The following GFOD2 variants were observed in gnomAD, a reference collection of about 807,000 sequenced individuals.
GFOD2 encodes glucose-fructose oxidoreductase domain-containing protein 2.
Under a neutral mutation model 24.6 loss-of-function variants are expected in GFOD2, and 9 were observed. The ratio of observed to expected loss-of-function variants is 0.37; its 90% confidence interval spans 0.22 to 0.64. The LOEUF (loss-of-function observed/expected upper bound fraction) is 0.64. Among genes scored for constraint, GFOD2 ranks in the 30% least tolerant of loss-of-function variants. The probability of loss-of-function intolerance (pLI) is 0.65; values close to 1 mark genes in which losing one functional copy is unlikely to be tolerated. For synonymous variants in GFOD2, 211 were observed against 224.8 expected, an observed-to-expected ratio of 0.94 and a Z score of 0.55; for missense variants, 476 against 532.5, an observed-to-expected ratio of 0.89 and a Z score of 1.04.
chr16:67,678,269 G>A (rs1224520105), intron 2 of GFOD2, among the ~76,000 whole-genome samples: 1 of 152,198 alleles, frequency 6.6e-6, no homozygotes, highest in Non-Finnish European at 1.5e-5. Context: ...CTGAGGTTGG[G>A]AGTTTGAGAC....
At chr16:67,686,234 T>G (rs1191665193) in intron 1 of GFOD2, among the ~76,000 whole-genome samples, 1 of 152,106 alleles carries the variant, frequency 6.6e-6, no homozygotes. Flanking sequence ...TAGTAAGCTA[T>G]GATTGTGCTA....
In GFOD2 at chr16:67,675,845, G is replaced by A; in HGVS notation, c.468C>T (p.Ser156=). The A allele has an allele frequency of 1.2e-6, 2 of 1,614,202 alleles. No homozygotes were observed. The highest frequency in any genetic ancestry group is 1.7e-6 in the Non-Finnish European group (2 of 1,180,052). ...MICDARIYSG[S]LLSPSYGWIC... is the part of the protein sequence containing the mutation. The stretch of plus-strand genomic sequence containing the variant: ...TCCAGCCATAGCTGGGGCTCAGCAG[G>A]CTGCCTGAGTAGATGCGGGCATCAC... Residue 156 remains serine, a synonymous_variant, in exon 3 of 3, where the codon AGC becomes AGT. Coordinates refer to ENST00000268797, the MANE Select transcript of GFOD2 (RefSeq NM_030819.4).
At chr16:67,705,116 A>C (rs2053430075) in intron 1 of GFOD2, among the ~76,000 whole-genome samples, 2 of 152,194 alleles carry the variant, frequency 1.3e-5, no homozygotes, top group African/African-American at 2.4e-5. Flanking sequence ...GAAATATAGG[A>C]GTTGAATAGT....
At chr16:67,706,044 G>A (rs1196886915) in intron 1 of GFOD2, among the ~76,000 whole-genome samples, 1 of 133,534 alleles carries the variant, frequency 7.5e-6, no homozygotes, top group Admixed American at 7.8e-5. Context: ...GTGCAGTAGT[G>A]CAATCTCAGC....
chr16:67,716,774 T>C (rs2053509702), intron 1 of GFOD2, among the ~76,000 whole-genome samples: 1 of 152,198 alleles, frequency 6.6e-6, no homozygotes, highest in Non-Finnish European at 1.5e-5. Flanking sequence ...AATGCCCCAT[T>C]ATAACTCCTG....
At chr16:67,685,855 GCTA>G in intron 1 of GFOD2, 53 bp from the exon 2 acceptor site, 1 of 1,084,404 alleles carries the variant, frequency 9.2e-7, no homozygotes, top group African/African-American at 1.6e-5. Flanking sequence ...CTCAGCTGAG[GCTA>G]CTTTCTTTTT....
chr16:67,703,600 AG>A (rs2053419200), intron 1 of GFOD2, among the ~76,000 whole-genome samples: 1 of 152,180 alleles, frequency 6.6e-6, no homozygotes, highest in African/African-American at 2.4e-5. Context: ...AATTACCACC[AG>A]GAGGTGACTT....
rs780990630 is a variant in GFOD2, at chr16:67,685,663, A to G, written c.53T>C (p.Val18Ala). ...GVFGTGSSAR[V>A]LVPLLRAEGF... ...TTCTGCCCTCAGCAGTGGGACCAGA[A>G]CTCGGGCGGAGCTGCCAGTCCCAAA... Residue 18 changes from valine to alanine, a missense_variant, in exon 2 of 3, where the codon GTT becomes GCT. Transcript: ENST00000268797. 2 of 1,613,776 alleles carry G rather than the reference A, an allele frequency of 1.2e-6. No homozygotes were observed. The highest frequency in any genetic ancestry group is 2.7e-5 in the African/African-American group (2 of 74,864).
intron 1 of GFOD2, among the ~76,000 whole-genome samples, chr16:67,705,815 C>T (rs1442286884): frequency 6.6e-6 from 1 of 151,506 alleles, no homozygotes; most frequent in Non-Finnish European, 1.5e-5. Flanking sequence ...TGGCAGATGC[C>T]TGTAGTCCCA....
At chr16:67,706,653 C>A (rs2053441235) in intron 1 of GFOD2, among the ~76,000 whole-genome samples, 1 of 152,076 alleles carries the variant, frequency 6.6e-6, no homozygotes. Flanking sequence ...GTAAGGATTT[C>A]TTGGACAGGA....
At chr16:67,682,932 A>C in intron 2 of GFOD2, 1 of 664,694 alleles carries the variant, frequency 1.5e-6, no homozygotes, top group Non-Finnish European at 1.9e-6. Flanking sequence ...CCAGAGATTC[A>C]GTAGGTTTGG....
Position 67,693,934 on chromosome 16 carries a change from AAAAC to A in GFOD2, c.-87-8136_-87-8133del, listed in dbSNP as rs200642114. Among the ~76,000 whole-genome samples the A allele has an allele frequency of 1.0e-2, 1,515 of 152,188 alleles. 22 individuals carry two copies. Among genetic ancestry groups the A allele is most frequent in the African/African-American group, 0.034 (1,408 of 41,502 alleles). On this transcript the variant is annotated intron_variant, in intron 1 of 2. Transcript: ENST00000268797. Reference sequence around the variant, plus strand: ...CAGAAAGACTCTGTCTCAAAAACAAAAAACAAACAAACAAACAAAAAAACCAACC... The same window carrying A: ...CAGAAAGACTCTGTCTCAAAAACAAAAAACAAACAAACAAAAAAACCAACC...
intron 2 of GFOD2, chr16:67,683,108 G>A: frequency 3.1e-6 from 2 of 650,604 alleles, no homozygotes; most frequent in Non-Finnish European, 3.8e-6. Context: ...CCACAGTCGC[G>A]TGCCACCATG....
chr16:67,674,966 T>C lies in GFOD2; in HGVS notation c.*189A>G, dbSNP rs2053171686. 2.0e-5 allele frequency: 13 copies of C among 650,106 alleles called. No homozygotes were observed. Among genetic ancestry groups the C allele is most frequent in the Non-Finnish European group, 3.4e-5 (13 of 382,458 alleles). 40.3% of individuals were successfully genotyped at this position (650,106 alleles called of 1,614,324 possible). On this transcript the variant is annotated 3_prime_UTR_variant, in exon 3 of 3. Coordinates refer to ENST00000268797, the MANE Select transcript of GFOD2 (RefSeq NM_030819.4). ...CCGTGGTAACCTGGCAACAGGAACA[T>C]TTGCCACCCTGCAAGTCTGAGGAGC...
intron 1 of GFOD2, among the ~76,000 whole-genome samples, 168 bp downstream of exon 1, chr16:67,718,990 CCTCCA>C (rs1389437281): frequency 6.6e-6 from 1 of 152,214 alleles, no homozygotes; most frequent in African/African-American, 2.4e-5. Flanking sequence ...CCAAGGCGAC[CCTCCA>C]CTCCACGCGC....
intron 1 of GFOD2, among the ~76,000 whole-genome samples, chr16:67,699,846 G>A (rs1173284169): frequency 1.3e-5 from 2 of 149,628 alleles, no homozygotes; most frequent in African/African-American, 4.9e-5. Flanking sequence ...TGGCTCACCT[G>A]TAATCCCAGA....
intron 2 of GFOD2, among the ~76,000 whole-genome samples, chr16:67,679,940 C>T (rs1257235510): frequency 2.0e-5 from 3 of 151,960 alleles, no homozygotes; most frequent in East Asian, 3.9e-4. Context: ...TGCTTTGTCA[C>T]TTAGCTGGAG....
intron 1 of GFOD2, among the ~76,000 whole-genome samples, chr16:67,706,837 A>G (rs2053442255): frequency 2.0e-5 from 3 of 152,146 alleles, no homozygotes; most frequent in Admixed American, 2.0e-4. Flanking sequence ...TCAGCAGATG[A>G]TGAGGTCAGG....
chr16:67,685,992 GGCATGGT>G (rs1365062398), intron 1 of GFOD2, among the ~76,000 whole-genome samples, 190 bp from the exon 2 acceptor site: 1 of 152,176 alleles, frequency 6.6e-6, no homozygotes, highest in African/African-American at 2.4e-5. Flanking sequence ...CTCGAGGCCA[GGCATGGT>G]GGCTCATGCA....
Sources: gnomAD v4.1 joint callset for allele counts (sites outside exome capture counted in the v4.1 genomes callset) on GRCh38, gnomAD v4.1.1 for gene constraint, MANE v1.5 for transcripts, NCBI Gene and HGNC (gene_info 2026-07-23, HGNC 2026-07-21) for gene names.